Variants in ZFHX3 observed in about 807,000 individuals in gnomAD.
The protein encoded by ZFHX3 is zinc finger homeobox 3.
Under a neutral mutation model 279.1 loss-of-function variants are expected in ZFHX3, and 42 were observed. The ratio of observed to expected loss-of-function variants is 0.15; its 90% confidence interval spans 0.12 to 0.19. The LOEUF is 0.19. Ranked by LOEUF, ZFHX3 falls within the 10% of genes least tolerant of loss-of-function variation. ZFHX3 has a pLI of 1.00. For missense variants in ZFHX3, 4,981 were observed against 4,754.0 expected (o/e 1.05, Z -1.40); for synonymous variants, 2,293 against 1,957.8 (o/e 1.17, Z -4.52).
Position 72,794,807 on chromosome 16 carries a change from G to C in ZFHX3, c.7875C>G (p.Ser2625Arg). The C allele has an allele frequency of 6.2e-7, 1 of 1,614,142 alleles. No individual in the cohort carries two copies. ...CTGTCCCACTGTCGTTTTCGCCAGG[G>C]CTTGCACTGGCCTTTTCCTCCAGCT... ...KRKLEEKASA[S>R]PGENDSGTGG... is the part of the protein sequence containing the mutation. Residue 2625 changes from serine to arginine, a missense_variant, in exon 9 of 10, where the codon AGC (serine) becomes AGG (arginine). Ser to Arg is a moderately radical substitution (Grantham distance 110). Coordinates refer to ENST00000268489, the MANE Select transcript of ZFHX3 (RefSeq NM_006885.4). The surrounding 1 kb of genome is among the most constrained non-coding windows in gnomAD (Gnocchi z 4.2).
At chr16:73,240,575 A>G (rs1327487837) in intron 5 of ZFHX3, among the ~76,000 whole-genome samples, 1 of 152,148 alleles carries the variant, frequency 6.6e-6, no homozygotes, top group African/African-American at 2.4e-5. Context: ...TGTCAACAAC[A>G]TGGCATTATG....
chr16:73,771,816 A>T (rs1276249000), intron 1 of ZFHX3, among the ~76,000 whole-genome samples: 1 of 149,198 alleles, frequency 6.7e-6, no homozygotes, highest in Non-Finnish European at 1.5e-5. Flanking sequence ...ACTTTAGGCC[A>T]TGGCTCCTGG....
chr16:73,406,359 C>T (rs552860645), intron 3 of ZFHX3, among the ~76,000 whole-genome samples: 79 of 152,292 alleles, frequency 5.2e-4, no homozygotes, highest in Non-Finnish European at 8.7e-4. Context: ...CCCCAGGAAC[C>T]GTCACAGAGT....
intron 7 of ZFHX3, among the ~76,000 whole-genome samples, chr16:73,124,736 G>A (rs190390043): frequency 3.3e-5 from 5 of 152,168 alleles, no homozygotes; most frequent in South Asian, 2.1e-4. Context: ...AGAGTGTAGC[G>A]CACTGGGGTT....
intron 1 of ZFHX3, among the ~76,000 whole-genome samples, chr16:73,010,215 A>G (rs138533043): frequency 6.6e-6 from 1 of 152,032 alleles, no homozygotes; most frequent in African/African-American, 2.4e-5. Flanking sequence ...CCCAGCAGCC[A>G]CCCTAGGAGC....
intron 5 of ZFHX3, among the ~76,000 whole-genome samples, chr16:73,147,796 C>G (rs1043740380): frequency 6.6e-6 from 1 of 151,908 alleles, no homozygotes; most frequent in Non-Finnish European, 1.5e-5. Flanking sequence ...CTTAAGCCCC[C>G]AGGAGTTCCA....
At chr16:73,429,438 T>C (rs2017871460) in intron 3 of ZFHX3, among the ~76,000 whole-genome samples, 1 of 152,138 alleles carries the variant, frequency 6.6e-6, no homozygotes, top group South Asian at 2.1e-4. Flanking sequence ...GTTCAGGCAA[T>C]TCTCCTGCCT....
chr16:72,951,007 A>G lies in ZFHX3; in HGVS notation c.2720-42T>C, dbSNP rs748732878. On this transcript the variant is annotated intron_variant, in intron 2 of 9. Coordinates refer to ENST00000268489, the MANE Select transcript of ZFHX3 (RefSeq NM_006885.4). ...AAGGAGAGAGTCAGACACCAGGCTC[A>G]TGGTCACGGCCACAGCTGAGGCACC... 1.9e-6 allele frequency: 3 copies of G among 1,586,118 alleles called. No homozygotes were observed. The South Asian group carries it at 3.4e-5, about 18-fold the overall frequency.
chr16:73,563,737 C>G (rs1014093737), intron 2 of ZFHX3, among the ~76,000 whole-genome samples: 2 of 152,178 alleles, frequency 1.3e-5, no homozygotes, highest in Non-Finnish European at 2.9e-5. Flanking sequence ...TGATTACCAC[C>G]TGGAACAGGT....
In ZFHX3 at chr16:72,784,084, T is replaced by C. The variant is rs1304158681; in HGVS notation, c.*3080A>G. On this transcript the variant is annotated 3_prime_UTR_variant, in exon 10 of 10. Coordinates refer to ENST00000268489, the MANE Select transcript of ZFHX3 (RefSeq NM_006885.4). The stretch of plus-strand genomic sequence containing the variant: ...CATTAAGGGTGCAACCCACTCCAGG[T>C]TGAAACAATCACATAACCCCTCTGA... 2.0e-5 allele frequency: 3 copies of C among 152,460 alleles called. No individual in the cohort carries two copies. Among genetic ancestry groups the C allele is most frequent in the East Asian group, 1.9e-4 (1 of 5,180 alleles). 9.4% of individuals were successfully genotyped at this position (152,460 alleles called of 1,614,324 possible).
chr16:72,917,376 G>A (rs2039468843), intron 3 of ZFHX3, among the ~76,000 whole-genome samples: 1 of 152,192 alleles, frequency 6.6e-6, no homozygotes, highest in Admixed American at 6.5e-5. Flanking sequence ...AAGGTAGACA[G>A]TAACACAAAT....
intron 6 of ZFHX3, among the ~76,000 whole-genome samples, chr16:73,142,432 T>C (rs1043606256): frequency 1.3e-5 from 2 of 152,202 alleles, no homozygotes; most frequent in Admixed American, 6.5e-5. Context: ...TGAAATACAA[T>C]CATGGCTAGT....
chr16:73,112,785 T>C (rs1966392469), intron 7 of ZFHX3, among the ~76,000 whole-genome samples: 1 of 143,474 alleles, frequency 7.0e-6, no homozygotes, highest in African/African-American at 2.6e-5. Flanking sequence ...GGAAGGTTAG[T>C]GAAGGGCGGA....
intron 5 of ZFHX3, among the ~76,000 whole-genome samples, chr16:73,184,951 T>C (rs1768469436): frequency 1.3e-5 from 2 of 152,038 alleles, no homozygotes; most frequent in East Asian, 1.9e-4. Flanking sequence ...ACAGCAGATA[T>C]TGTGTGCAAA....
chr16:72,788,299 G>A lies in ZFHX3; in HGVS notation c.9977C>T (p.Ala3326Val). The change falls in exon 10 of 10, where the codon GCC becomes GTC. Residue 3326 changes from alanine to valine, a missense_variant. By Grantham distance (64) the Ala-to-Val change is moderately conservative. Coordinates refer to ENST00000268489, the MANE Select transcript of ZFHX3 (RefSeq NM_006885.4). ...AGGCTGCAGGTACCCGCTCTGCAGG[G>A]CGCCAGGGATCTGGGGAGCATAATA... Reference protein sequence around the residue: ...SPYYAPQIPGALQSGYLQPMY... With the variant: ...SPYYAPQIPGVLQSGYLQPMY... 6.2e-7 allele frequency: 1 copy of A among 1,614,218 alleles called. No individual in the cohort carries two copies. The highest frequency in any genetic ancestry group is 8.5e-7 in the Non-Finnish European group (1 of 1,180,042).
chr16:73,305,207 G>T (rs1374252311), intron 4 of ZFHX3, among the ~76,000 whole-genome samples: 1 of 152,134 alleles, frequency 6.6e-6, no homozygotes, highest in Non-Finnish European at 1.5e-5. Flanking sequence ...GGTGTAAGCT[G>T]GGCAATTTCA....
intron 4 of ZFHX3, among the ~76,000 whole-genome samples, chr16:73,261,866 G>A (rs1455134137): frequency 6.6e-6 from 1 of 151,818 alleles, no homozygotes; most frequent in Non-Finnish European, 1.5e-5. Context: ...GCAGAGACGG[G>A]GTTTCTTCAT....
Position 73,610,600 on chromosome 16 carries a change from C to T in ZFHX3, c.-1547+69580G>A, listed in dbSNP as rs986909818. Among the ~76,000 whole-genome samples, 7 of 152,276 alleles carry T rather than the reference C, an allele frequency of 4.6e-5. No homozygotes were observed. In the East Asian group the frequency reaches 7.7e-4, roughly 17 times the overall value. On this transcript the variant is annotated intron_variant, in intron 2 of 17. Coordinates refer to the ZFHX3 transcript ENST00000641206. The stretch of plus-strand genomic sequence containing the variant: ...ACATTAAAGGATAAACTTCTTAGCA[C>T]TGAATTTACAAAATTATCTTTCCCA...
At chr16:73,186,209 T>C (rs1039511571) in intron 5 of ZFHX3, among the ~76,000 whole-genome samples, 6 of 152,270 alleles carry the variant, frequency 3.9e-5, no homozygotes, top group African/African-American at 1.4e-4. Flanking sequence ...AAGTGCACAA[T>C]AAATGGAACA....
Sources: gnomAD v4.1 joint callset for allele counts (sites outside exome capture counted in the v4.1 genomes callset) on GRCh38, gnomAD v4.1.1 for gene constraint, Gnocchi (gnomAD v3.1) non-coding constraint, MANE v1.5 for transcripts, NCBI Gene and HGNC (gene_info 2026-07-23, HGNC 2026-07-21) for gene names.